The following NDUFA9 variants were observed in gnomAD, a reference collection of about 807,000 sequenced individuals.
NDUFA9 encodes NADH:ubiquinone oxidoreductase subunit A9, also known as NADH dehydrogenase [ubiquinone] 1 alpha subcomplex subunit 9, mitochondrial.
A neutral mutation model predicts 45.9 loss-of-function variants in NDUFA9; 23 were observed. That is an observed-to-expected ratio of 0.50 (90% CI 0.36 to 0.71). The LOEUF is 0.71. NDUFA9 is among the 30% of genes least tolerant of loss of function. The pLI is 0.00. For missense variants in NDUFA9, 466 were observed against 488.2 expected, an observed-to-expected ratio of 0.95 and a Z score of 0.43; for synonymous variants, 176 against 170.5, an observed-to-expected ratio of 1.03 and a Z score of -0.25.
intron 3 of NDUFA9, chr12:4,655,906 C>T (rs1208465504): frequency 6.6e-6 from 1 of 152,160 alleles, no homozygotes; most frequent in African/African-American, 2.4e-5. Flanking sequence ...AGGACAGTCT[C>T]TTTCCACAAA....
chr12:4,654,839 C>G lies in NDUFA9; in HGVS notation c.235C>G (p.Gln79Glu), dbSNP rs747115380. The change falls in exon 3 of 11, where the codon CAG becomes GAG. Residue 79 changes from glutamine to glutamate, a missense_variant. By Grantham distance (29) the Gln-to-Glu change is conservative (BLOSUM62 2). Transcript: ENST00000266544. Reference protein sequence around the residue: ...VVNHLGRMGSQVIIPYRCDKY... With the variant: ...VVNHLGRMGSEVIIPYRCDKY... ...TTCTCTTTTAGGACGCATGGGGTCA[C>G]AGGTAATCATACCCTATCGGTGTGA... is the stretch of plus-strand genomic sequence containing the variant. The G allele has an allele frequency of 5.6e-6, 9 of 1,612,868 alleles. No homozygotes were observed. The highest frequency in any genetic ancestry group is 7.6e-6 in the Non-Finnish European group (9 of 1,179,504).
intron 8 of NDUFA9, among the ~76,000 whole-genome samples, chr12:4,672,679 A>G (rs1945894642): frequency 6.6e-6 from 1 of 152,186 alleles, no homozygotes; most frequent in South Asian, 2.1e-4. Flanking sequence ...GCCTCTCCAG[A>G]TTCCCTCCTC....
At chr12:4,664,708 G>A (rs185952658) in intron 6 of NDUFA9, among the ~76,000 whole-genome samples, 74 of 152,310 alleles carry the variant, frequency 4.9e-4, no homozygotes, top group Admixed American at 3.9e-3. Context: ...TAGAACTACC[G>A]CTTCAGTGGG....
At chr12:4,669,672 CT>C (rs1439436648) in intron 7 of NDUFA9, 68 bp from the exon 8 acceptor site, 1 of 990,076 alleles carries the variant, frequency 1.0e-6, no homozygotes, top group East Asian at 2.5e-5. Flanking sequence ...TCCTTTCTTT[CT>C]ATCTCTCCAT....
intron 8 of NDUFA9, among the ~76,000 whole-genome samples, chr12:4,678,825 G>T (rs1004399664): frequency 1.3e-5 from 2 of 152,046 alleles, no homozygotes; most frequent in Non-Finnish European, 2.9e-5. Flanking sequence ...TTGCTGGTAG[G>T]GGTGTAAAAT....
At chr12:4,666,569 A>G (rs952039546) in intron 6 of NDUFA9, among the ~76,000 whole-genome samples, 1 of 152,140 alleles carries the variant, frequency 6.6e-6, no homozygotes, top group African/African-American at 2.4e-5. Flanking sequence ...TGTATATGGT[A>G]TGAGGTAAGG....
intron 1 of NDUFA9, among the ~76,000 whole-genome samples, chr12:4,652,545 ACTTTCAGCATTT>A (rs1232775792): frequency 2.0e-5 from 3 of 152,092 alleles, no homozygotes; most frequent in Non-Finnish European, 4.4e-5. Context: ...TTCCTACTTC[ACTTTCAGCATTT>A]GGTAAAGTTA....
chr12:4,658,929 T>C lies in NDUFA9; in HGVS notation c.411-107T>C, dbSNP rs4147681. 0.54 allele frequency: 625,083 copies of C among 1,166,576 alleles called. 171,089 individuals are homozygous for C. The highest frequency in any genetic ancestry group is 0.59 in the Admixed American group (26,260 of 44,352). The allele number at this position is 1,166,576 out of a possible 1,614,324, so 72.3% of individuals were successfully genotyped here. ...GTTAAATCATTGCTGTTTAAAAGTT[T>C]AAGTAGTGTGAATTTCAGTACTGTT... On this transcript the variant is annotated intron_variant, in intron 4 of 10. Transcript: ENST00000266544.
intron 8 of NDUFA9, among the ~76,000 whole-genome samples, chr12:4,672,085 A>G (rs1038548592): frequency 6.6e-6 from 1 of 152,158 alleles, no homozygotes; most frequent in African/African-American, 2.4e-5. Flanking sequence ...GTGCAGCCCA[A>G]GGAGGGTGAG....
intron 7 of NDUFA9, 149 bp downstream of exon 7, chr12:4,668,673 GTA>G: frequency 1.5e-6 from 1 of 686,382 alleles, no homozygotes; most frequent in Non-Finnish European, 2.6e-6. Flanking sequence ...TACTTAAGAG[GTA>G]CATGCCTTCT....
intron 6 of NDUFA9, among the ~76,000 whole-genome samples, chr12:4,664,228 G>A (rs371071599): frequency 6.6e-6 from 1 of 152,222 alleles, no homozygotes; most frequent in African/African-American, 2.4e-5. Context: ...CTAAGAGTGT[G>A]GCTGAACAAC....
rs149767826 is a variant in NDUFA9 at position 4,685,364 on chromosome 12, A to G, written c.963+39A>G. ...TGGAAAGCGTCTGCCTGGGCAGATG[A>G]TGAGGCGTTAGACTTATTTTGCTTT... On this transcript the variant is annotated intron_variant, in intron 10 of 10. Coordinates refer to ENST00000266544, the MANE Select transcript of NDUFA9 (RefSeq NM_005002.5). 8.6e-5 allele frequency: 135 copies of G among 1,568,004 alleles called. No individual in the cohort carries two copies. In the African/African-American group the frequency reaches 1.7e-3, roughly 20 times the overall value.
chr12:4,653,676 A>G (rs745664918), intron 1 of NDUFA9: 2 of 422,840 alleles, frequency 4.7e-6, no homozygotes, highest in East Asian at 1.5e-4. Flanking sequence ...CAGTGGTTTT[A>G]TAGTAAGTCT....
At chr12:4,673,420 AG>A (rs1945899602) in intron 8 of NDUFA9, among the ~76,000 whole-genome samples, 1 of 152,196 alleles carries the variant, frequency 6.6e-6, no homozygotes, top group Admixed American at 6.5e-5. Flanking sequence ...AAGGAAGCTA[AG>A]AACCTTGAGA....
intron 1 of NDUFA9, chr12:4,653,626 C>T (rs1433916020): frequency 2.2e-6 from 1 of 453,356 alleles, no homozygotes; most frequent in Admixed American, 2.4e-5. Flanking sequence ...TATCTTTTCT[C>T]AAGCACTTCA....
At chr12:4,686,866 A>AGGTTTTTTTAAC in intron 10 of NDUFA9, 72 bp from the exon 11 acceptor site, 1 of 1,437,100 alleles carries the variant, frequency 7.0e-7, no homozygotes. Flanking sequence ...TGAATGTTTA[A>AGGTTTTTTTAAC]GTGCCTGCTA....
At position 4,662,568 on chromosome 12, in the gene NDUFA9, G is replaced by A. The variant is rs138434279; in HGVS notation, c.588G>A (p.Pro196=). 840 of 1,613,758 alleles carry A rather than the reference G, an allele frequency of 5.2e-4. No homozygotes were observed. The highest frequency in any genetic ancestry group is 7.5e-4 in the Admixed American group (45 of 59,992). The stretch of plus-strand genomic sequence containing the variant: ...AGAAAGTAGTGAGAGATGCATTTCC[G>A]GAAGCCATTATCGTAAAGCCGTCGG... The part of the protein sequence containing the change: ...VGEKVVRDAF[P]EAIIVKPSDI... Residue 196 remains proline, a synonymous_variant, in exon 6 of 11, where the codon CCG becomes CCA. Transcript: ENST00000266544.
intron 9 of NDUFA9, among the ~76,000 whole-genome samples, chr12:4,683,970 C>G (rs558091060): frequency 3.4e-4 from 52 of 152,260 alleles, no homozygotes; most frequent in African/African-American, 1.2e-3. Flanking sequence ...GGCTTCAGTG[C>G]CGTGAAAGGG....
In NDUFA9 at chr12:4,692,284, A is replaced by G. The variant is rs895506036; in HGVS notation, c.*5176A>G. On this transcript the variant is annotated 3_prime_UTR_variant, in exon 11 of 11. Coordinates refer to ENST00000266544, the MANE Select transcript of NDUFA9 (RefSeq NM_005002.5). The stretch of plus-strand genomic sequence containing the variant: ...GATTTAGTACCATTCTCTTGGTACA[A>G]TCCTCAAGATAGTGAGTTCTTACAA... 3 of 152,142 alleles carry G rather than the reference A, an allele frequency of 2.0e-5. No individual in the cohort carries two copies. The highest frequency in any genetic ancestry group is 4.4e-5 in the Non-Finnish European group (3 of 68,018). The allele number at this position is 152,142 out of a possible 1,614,324, so 9.4% of individuals were successfully genotyped here.
Sources: allele counts gnomAD v4.1 joint callset (sites outside exome capture counted in the v4.1 genomes callset), GRCh38; gene constraint gnomAD v4.1.1; transcripts MANE v1.5; gene names NCBI Gene and HGNC (gene_info 2026-07-23, HGNC 2026-07-21).